Variants in SERPINB7 observed in about 807,000 individuals in gnomAD.
SERPINB7 encodes serpin family B member 7.
Under a neutral mutation model 37.4 loss-of-function variants are expected in SERPINB7, and 31 were observed. The ratio of observed to expected loss-of-function variants is 0.83; its 90% CI spans 0.62 to 1.12. SERPINB7 has a LOEUF of 1.12. Ranked by LOEUF, SERPINB7 falls within the 50% of genes most tolerant of loss-of-function variation. SERPINB7 has a pLI of 0.00. For missense variants in SERPINB7, 521 were observed against 455.3 expected (o/e 1.14, Z -1.31); for synonymous variants, 163 against 166.1 (o/e 0.98, Z 0.14).
At position 63,796,401 on chromosome 18, in the gene SERPINB7, C is replaced by A; in HGVS notation, c.454+18C>A. The A allele has an allele frequency of 7.5e-7, 1 of 1,339,706 alleles. No homozygotes were observed. The highest frequency in any genetic ancestry group is 1.1e-6 in the Non-Finnish European group (1 of 933,606). 83.0% of individuals were successfully genotyped at this position (1,339,706 alleles called of 1,614,324 possible). A position where few individuals can be genotyped will look rare whatever the true frequency, so the allele number is the denominator to read the frequency against. ...AACACATGGTGAGTATTGAAATACC[C>A]TATTTTTCTACAAGATTTGTCAGTT... On this transcript the variant is annotated intron_variant, in intron 5 of 7. Coordinates refer to ENST00000398019, the MANE Select transcript of SERPINB7 (RefSeq NM_003784.4).
At chr18:63,783,247 A>AAAG (rs1335391174) in intron 2 of SERPINB7, among the ~76,000 whole-genome samples, 7 of 142,044 alleles carry the variant, frequency 4.9e-5, no homozygotes, top group African/African-American at 1.6e-4. Context: ...AGAAAGAAAG[A>AAAG]AAGAAAGAAA....
intron 2 of SERPINB7, among the ~76,000 whole-genome samples, chr18:63,787,069 A>G (rs2049380952): frequency 6.6e-6 from 1 of 152,326 alleles, no homozygotes; most frequent in East Asian, 1.9e-4. Flanking sequence ...CAACCTATAC[A>G]TATAGCATGA....
At chr18:63,790,339 C>T (rs1054119109) in intron 2 of SERPINB7, among the ~76,000 whole-genome samples, 5 of 152,104 alleles carry the variant, frequency 3.3e-5, no homozygotes, top group African/African-American at 1.2e-4. Flanking sequence ...TGTCAGAAGC[C>T]ACCATGGTGA....
chr18:63,798,303 T>TA (rs2049509379), intron 5 of SERPINB7, among the ~76,000 whole-genome samples: 1 of 152,162 alleles, frequency 6.6e-6, no homozygotes, highest in Non-Finnish European at 1.5e-5. Flanking sequence ...TGGGTTGGAA[T>TA]CCTATTGCTA....
rs755764643 is a variant in SERPINB7 at position 63,800,975 on chromosome 18, A to G, written c.707A>G (p.Asn236Ser). The G allele has an allele frequency of 1.9e-6, 3 of 1,613,954 alleles. No individual in the cohort carries two copies. The highest frequency in any genetic ancestry group is 1.7e-6 in the Non-Finnish European group (2 of 1,179,852). The change falls in exon 7 of 8, where the codon AAC becomes AGC. Residue 236 changes from asparagine (N) to serine (S), a missense_variant. Coordinates refer to ENST00000398019, the MANE Select transcript of SERPINB7 (RefSeq NM_003784.4). ...ILELRYNGGI[N>S]MYVLLPENDL... ...GAGCTCAGATACAATGGTGGCATAA[A>G]CATGTACGTTCTGCTGCCTGAGAAT...
At chr18:63,788,415 A>G (rs796919096) in intron 2 of SERPINB7, among the ~76,000 whole-genome samples, 2 of 152,340 alleles carry the variant, frequency 1.3e-5, no homozygotes, top group South Asian at 2.1e-4. Context: ...AAAAAATATA[A>G]TTGTACTGTT....
intron 1 of SERPINB7, among the ~76,000 whole-genome samples, chr18:63,753,689 T>TA (rs1391585400): frequency 3.7e-4 from 57 of 152,348 alleles, no homozygotes; most frequent in African/African-American, 1.3e-3. Context: ...GATAATTCCC[T>TA]AAAAGGTCTT....
intron 1 of SERPINB7, among the ~76,000 whole-genome samples, chr18:63,761,713 AG>A (rs2049155055): frequency 6.6e-6 from 1 of 152,228 alleles, no homozygotes; most frequent in African/African-American, 2.4e-5. Context: ...TGGATTTATC[AG>A]GGGTTTCCGC....
chr18:63,801,119 AG>A, intron 7 of SERPINB7, 107 bp downstream of exon 7: 1 of 1,042,062 alleles, frequency 9.6e-7, no homozygotes, highest in East Asian at 2.4e-5. Context: ...GAGATACTAG[AG>A]ACTTACCTGC....
intron 1 of SERPINB7, among the ~76,000 whole-genome samples, chr18:63,765,286 A>G (rs2049174750): frequency 1.3e-5 from 2 of 152,248 alleles, no homozygotes; most frequent in South Asian, 2.1e-4. Context: ...CTTTCCTTAT[A>G]AAATCCGTCA....
intron 1 of SERPINB7, among the ~76,000 whole-genome samples, chr18:63,778,558 T>C (rs1490313293): frequency 6.6e-6 from 1 of 152,178 alleles, no homozygotes; most frequent in African/African-American, 2.4e-5. Flanking sequence ...ATTTATCAGT[T>C]AGGTGTAATA....
intron 7 of SERPINB7, among the ~76,000 whole-genome samples, chr18:63,802,403 A>G (rs1457644372): frequency 6.6e-6 from 1 of 152,006 alleles, no homozygotes; most frequent in Non-Finnish European, 1.5e-5. Flanking sequence ...TCCCTTCTCT[A>G]TTCTCTCATT....
chr18:63,758,656 CA>C (rs1487828711), intron 1 of SERPINB7, among the ~76,000 whole-genome samples: 6 of 152,062 alleles, frequency 3.9e-5, no homozygotes, highest in African/African-American at 1.4e-4. Flanking sequence ...CTCCAATGAC[CA>C]GAAGGTCATA....
Position 63,798,584 on chromosome 18 carries a change from CTCAATTT to C in SERPINB7, c.455-18_455-12del. On this transcript the variant is annotated splice_polypyrimidine_tract_variant and intron_variant, in intron 5 of 7. Transcript: ENST00000398019. ...ATTATATTAAAATAAACATTTTTCCCTCAATTTTTTTTTCAAAAGGCAAAATCAAGAA... is the reference window on the plus strand; with the variant it reads ...ATTATATTAAAATAAACATTTTTCCCTTTTTTCAAAAGGCAAAATCAAGAA... 1 of 1,508,950 alleles carries C rather than the reference CTCAATTT, an allele frequency of 6.6e-7. No homozygotes were observed. The highest frequency in any genetic ancestry group is 8.8e-7 in the Non-Finnish European group (1 of 1,134,582). The allele number at this position is 1,508,950 out of a possible 1,614,324, so 93.5% of individuals were successfully genotyped here.
intron 2 of SERPINB7, among the ~76,000 whole-genome samples, chr18:63,788,146 G>A (rs141382140): frequency 2.6e-5 from 4 of 152,256 alleles, no homozygotes; most frequent in South Asian, 2.1e-4. Context: ...ATAAAAGTTC[G>A]CTGTGGAACA....
In SERPINB7 at chr18:63,754,409, C is replaced by T. The variant is rs546417072; in HGVS notation, c.-19+1289C>T. Among the ~76,000 whole-genome samples, 3 of 152,218 alleles carry T rather than the reference C, an allele frequency of 2.0e-5. No homozygotes were observed. In the East Asian group the frequency reaches 5.8e-4, roughly 29 times the overall value. On this transcript the variant is annotated intron_variant, in intron 1 of 7. Coordinates refer to the SERPINB7 transcript ENST00000336429. ...TGGAGAACTAATCAGATTATGTTTT[C>T]CTGTCTGAACTTGGTCTCGTTGCCA...
chr18:63,791,792 A>G (rs988740455), intron 2 of SERPINB7, among the ~76,000 whole-genome samples: 1 of 151,888 alleles, frequency 6.6e-6, no homozygotes, highest in Non-Finnish European at 1.5e-5. Context: ...TTGTATTTTT[A>G]GTAGAGACGG....
rs973441680 is a variant in SERPINB7, at chr18:63,778,405, C to A, written c.-19+2689C>A. Among the ~76,000 whole-genome samples the A allele has an allele frequency of 2.0e-5, 3 of 152,060 alleles. No homozygotes were observed. The East Asian group carries it at 5.8e-4, about 29-fold the overall frequency. The stretch of plus-strand genomic sequence containing the variant: ...ATCACATTCAAGGGATTATTCATTT[C>A]TTTCCTATATGTATATCCTAATTCA... On this transcript the variant is annotated intron_variant, in intron 1 of 7. Coordinates refer to ENST00000398019, the MANE Select transcript of SERPINB7 (RefSeq NM_003784.4).
intron 7 of SERPINB7, among the ~76,000 whole-genome samples, chr18:63,801,480 AG>A (rs1247233062): frequency 6.6e-6 from 1 of 152,228 alleles, no homozygotes; most frequent in Non-Finnish European, 1.5e-5. Flanking sequence ...CAATTCACTG[AG>A]GGCACAGCAT....
Sources: gnomAD v4.1 joint callset for allele counts (sites outside exome capture counted in the v4.1 genomes callset) on GRCh38, gnomAD v4.1.1 for gene constraint, MANE v1.5 for transcripts, NCBI Gene and HGNC (gene_info 2026-07-23, HGNC 2026-07-21) for gene names.